ITGAV: variants seen among roughly 807,000 people sequenced by gnomAD.
The protein encoded by ITGAV is integrin subunit alpha V, also known as integrin alpha-V.
In ITGAV, 76 loss-of-function variants were observed where a neutral mutation model predicts 143.8. The observed-to-expected ratio is 0.53, with a 90% CI of 0.44 to 0.64. The LOEUF (loss-of-function observed/expected upper bound fraction) is 0.64, where lower values mean the gene tolerates loss of function less well. Among genes scored for constraint, ITGAV ranks in the 30% least tolerant of loss-of-function variants. The pLI is 0.00. For missense variants in ITGAV, 1,193 were observed against 1,274.7 expected, an observed-to-expected ratio of 0.94 and a Z score of 0.98; for synonymous variants, 453 against 446.7, an observed-to-expected ratio of 1.01 and a Z score of -0.18.
At chr2:186,675,265 A>G (rs915074491) in intron 26 of ITGAV, among the ~76,000 whole-genome samples, 3 of 152,200 alleles carry the variant, frequency 2.0e-5, no homozygotes, top group African/African-American at 7.2e-5. Context: ...AAATATCACC[A>G]TGTTATGGGT....
intron 7 of ITGAV, 85 bp from the exon 8 acceptor site, chr2:186,636,980 A>G (rs1199357698): frequency 2.1e-5 from 23 of 1,116,464 alleles, no homozygotes; most frequent in Middle Eastern, 2.0e-4. Flanking sequence ...TTTCTTGAAA[A>G]TATTTTCAAG....
chr2:186,647,622 A>G (rs1027179220), intron 13 of ITGAV, among the ~76,000 whole-genome samples: 3 of 152,104 alleles, frequency 2.0e-5, no homozygotes, highest in African/African-American at 7.2e-5. Flanking sequence ...TTTATAGCTC[A>G]TTATTATACC....
intron 6 of ITGAV, among the ~76,000 whole-genome samples, chr2:186,635,279 A>G (rs141772490): frequency 6.6e-6 from 1 of 152,322 alleles, no homozygotes; most frequent in Non-Finnish European, 1.5e-5. Flanking sequence ...GGAGAAAAGA[A>G]TAATGTTTTA....
At chr2:186,664,450 G>A (rs779943256) in intron 19 of ITGAV, 44 bp from the exon 20 acceptor site, 5 of 1,581,740 alleles carry the variant, frequency 3.2e-6, no homozygotes, top group Non-Finnish European at 4.3e-6. Flanking sequence ...CTTTCCCCAT[G>A]TAGTCTTTTT....
Position 186,665,132 on chromosome 2 carries a change from G to A in ITGAV, c.2080G>A (p.Ala694Thr), listed in dbSNP as rs1348828052. The stretch of plus-strand genomic sequence containing the variant: ...TTTTTTTGGTCTATCAAAGGCCTTA[G>A]CAAGACTTTCCTGTGCATTTAAGAC... ...IGVVRNNEAL[A>T]RLSCAFKTEN... The change falls in exon 21 of 30, where the codon GCA becomes ACA. Residue 694 changes from alanine (A) to threonine (T), a missense_variant. Ala to Thr is a moderately conservative substitution (Grantham distance 58). Transcript: ENST00000261023. 6.3e-7 allele frequency: 1 copy of A among 1,581,876 alleles called. No individual in the cohort carries two copies. The highest frequency in any genetic ancestry group is 1.7e-5 in the Admixed American group (1 of 58,474).
intron 15 of ITGAV, among the ~76,000 whole-genome samples, chr2:186,653,192 G>A (rs1366669380): frequency 2.0e-5 from 3 of 151,960 alleles, no homozygotes; most frequent in Non-Finnish European, 2.9e-5. Flanking sequence ...TGATCCACCC[G>A]CCTCGGCCTC....
At chr2:186,607,091 T>G (rs78283557) in intron 2 of ITGAV, among the ~76,000 whole-genome samples, 2,090 of 152,262 alleles carry the variant, frequency 0.014, 44 homozygotes, top group African/African-American at 0.048. Flanking sequence ...TGTCATTTTT[T>G]CTAACATTAC....
At chr2:186,659,208 TTTG>T (rs1688673594) in intron 18 of ITGAV, 33 bp downstream of exon 18, 1 of 1,382,726 alleles carries the variant, frequency 7.2e-7, no homozygotes, top group Non-Finnish European at 9.5e-7. Context: ...AATGTGATAT[TTTG>T]TTATTTTTTT....
chr2:186,672,349 T>A (rs574933937), intron 26 of ITGAV, among the ~76,000 whole-genome samples: 1 of 152,332 alleles, frequency 6.6e-6, no homozygotes, highest in East Asian at 1.9e-4. Context: ...TATTTCTACT[T>A]TTTGTCTGTT....
At chr2:186,624,874 A>G (rs960036394) in intron 3 of ITGAV, among the ~76,000 whole-genome samples, 4 of 152,128 alleles carry the variant, frequency 2.6e-5, no homozygotes, top group African/African-American at 7.2e-5. Context: ...TTCAAAAGCT[A>G]GTTTGGTCTC....
chr2:186,590,365 G>T lies in ITGAV; in HGVS notation c.27G>T (p.Leu9=). Residue 9 remains leucine (L), a synonymous_variant, in exon 1 of 30, where the codon CTG becomes CTT. Coordinates refer to ENST00000261023, the MANE Select transcript of ITGAV (RefSeq NM_002210.5). The part of the protein sequence containing the change: MAFPPRRR[L]RLGPRGLPLL... The stretch of plus-strand genomic sequence containing the variant: ...TGGCTTTTCCGCCGCGGCGACGGCT[G>T]CGCCTCGGTCCCCGCGGCCTCCCGC... 6.3e-7 allele frequency: 1 copy of T among 1,588,890 alleles called. No homozygotes were observed. The highest frequency in any genetic ancestry group is 1.1e-5 in the South Asian group (1 of 88,920).
intron 5 of ITGAV, among the ~76,000 whole-genome samples, chr2:186,633,091 C>T (rs139232448): frequency 0.021 from 3,139 of 147,218 alleles, 52 homozygotes; most frequent in Non-Finnish European, 0.033. Context: ...AGCTTAAAGC[C>T]AGGAGTTTGA....
intron 13 of ITGAV, among the ~76,000 whole-genome samples, chr2:186,648,553 C>T (rs983953921): frequency 1.3e-5 from 2 of 152,164 alleles, no homozygotes; most frequent in Non-Finnish European, 2.9e-5. Context: ...CAAACTTCAC[C>T]GCCCGGGTTC....
chr2:186,602,163 T>C lies in ITGAV; in HGVS notation c.316+12T>C. On this transcript the variant is annotated intron_variant, in intron 2 of 29. Transcript: ENST00000261023. ...ATTTGATGCAACAGGTAAATTTTGA[T>C]GCACAATTTTCTTTTCATTGATTTC... is the stretch of plus-strand genomic sequence containing the variant. 1 of 1,597,956 alleles carries C rather than the reference T, an allele frequency of 6.3e-7. No homozygotes were observed. The highest frequency in any genetic ancestry group is 1.2e-5 in the South Asian group (1 of 86,056).
At chr2:186,669,379 AAATAAAAGATATAC>A (rs1688999840) in intron 25 of ITGAV, among the ~76,000 whole-genome samples, 1 of 152,248 alleles carries the variant, frequency 6.6e-6, no homozygotes, top group South Asian at 2.1e-4. Flanking sequence ...TGAAGAAACA[AAATAAAAGATATAC>A]CCATGATTGA....
intron 8 of ITGAV, among the ~76,000 whole-genome samples, chr2:186,637,911 C>T (rs1372144762): frequency 6.6e-6 from 1 of 152,174 alleles, no homozygotes; most frequent in Non-Finnish European, 1.5e-5. Context: ...TTTTGTGCCA[C>T]AGCCACTTCT....
Position 186,677,220 on chromosome 2 carries a change from G to C in ITGAV, c.3075G>C (p.Arg1025=), listed in dbSNP as rs202001919. 2.5e-6 allele frequency: 4 copies of C among 1,613,600 alleles called. No individual in the cohort carries two copies. The highest frequency in any genetic ancestry group is 3.4e-6 in the Non-Finnish European group (4 of 1,179,738). Residue 1025 remains arginine, a synonymous_variant, in exon 30 of 30, where the codon CGG becomes CGC. Transcript: ENST00000261023. ...AGATGGGCTTTTTTAAACGGGTCCG[G>C]CCACCTCAAGAAGAACAAGAAAGGG... ...MYRMGFFKRV[R]PPQEEQEREQ...
At chr2:186,669,066 T>C in intron 25 of ITGAV, 146 bp downstream of exon 25, 1 of 622,834 alleles carries the variant, frequency 1.6e-6, no homozygotes, top group South Asian at 2.2e-5. Context: ...GCAGTACACT[T>C]AGGATAAGTT....
At chr2:186,642,717 C>T (rs1392853020) in intron 12 of ITGAV, among the ~76,000 whole-genome samples, 2 of 151,056 alleles carry the variant, frequency 1.3e-5, no homozygotes, top group Admixed American at 6.6e-5. Flanking sequence ...TTTAGTAGAG[C>T]TGAGGTCTTC....
Sources: gnomAD v4.1 joint callset for allele counts (sites outside exome capture counted in the v4.1 genomes callset) on GRCh38, gnomAD v4.1.1 for gene constraint, MANE v1.5 for transcripts, NCBI Gene and HGNC (gene_info 2026-07-23, HGNC 2026-07-21) for gene names.